The following TMCO5A variants were observed in gnomAD, a reference collection of about 807,000 sequenced individuals.
TMCO5A encodes transmembrane and coiled-coil domain-containing protein 5A.
TMCO5A carries 34 observed loss-of-function variants against 42.3 expected under a neutral mutation model. That is an observed-to-expected ratio of 0.80 (90% CI 0.61 to 1.07). The LOEUF is 1.07. Ranked by LOEUF, TMCO5A falls within the 50% of genes least tolerant of loss-of-function variation. The probability of loss-of-function intolerance (pLI) is 0.00; values close to 1 mark genes in which losing one functional copy is unlikely to be tolerated. For synonymous variants in TMCO5A, 131 were observed against 115.6 expected (o/e 1.13, Z -0.86); for missense variants, 357 against 327.9 (o/e 1.09, Z -0.69).
At position 37,941,157 on chromosome 15, in the gene TMCO5A, A is replaced by G. The variant is rs774843921; in HGVS notation, c.396A>G (p.Leu132=). 1 of 1,613,156 alleles carries G rather than the reference A, an allele frequency of 6.2e-7. No homozygotes were observed. The highest frequency in any genetic ancestry group is 1.1e-5 in the South Asian group (1 of 91,038). ...DGALEETKVK[L]QQLEASYACQ... The stretch of plus-strand genomic sequence containing the variant: ...TCTTTTGCTTTCTTTAGGTTAAGTT[A>G]CAACAGCTGGAAGCTTCCTATGCAT... The change falls in exon 7 of 12, where the codon TTA becomes TTG. Residue 132 remains leucine (L), a synonymous_variant. Coordinates refer to ENST00000319669, the MANE Select transcript of TMCO5A (RefSeq NM_152453.4).
the TMCO5A span, among the ~76,000 whole-genome samples, chr15:37,984,430 T>A: frequency 6.6e-6 from 1 of 152,158 alleles, no homozygotes; most frequent in African/African-American, 2.4e-5. Flanking sequence ...ATATTCAATG[T>A]TAGAATATTT....
intron 9 of TMCO5A, chr15:37,942,546 A>G: frequency 3.7e-6 from 1 of 270,012 alleles, no homozygotes; most frequent in Non-Finnish European, 7.0e-6. Flanking sequence ...CATGTACTTT[A>G]GAAAGAGTTG....
the TMCO5A span, chr15:38,024,885 T>C: frequency 6.6e-6 from 1 of 152,326 alleles, no homozygotes; most frequent in Non-Finnish European, 1.5e-5. Context: ...ACAGCTTTTC[T>C]TCATGAGGCC....
chr15:37,997,538 A>G, the TMCO5A span, among the ~76,000 whole-genome samples: 2 of 152,028 alleles, frequency 1.3e-5, no homozygotes, highest in African/African-American at 4.8e-5. Context: ...AAATGACAGG[A>G]TCTTGTTCTT....
chr15:37,979,267 C>G, the TMCO5A span, among the ~76,000 whole-genome samples: 3 of 151,946 alleles, frequency 2.0e-5, no homozygotes, highest in Admixed American at 6.6e-5. Flanking sequence ...AGTCCTTAGT[C>G]TTTTTGCTCC....
At chr15:37,984,681 C>CTT in the TMCO5A span, 120 of 41,876 alleles carry the variant, frequency 2.9e-3, 10 homozygotes, top group African/African-American at 5.0e-3. Context: ...GAACATTTGT[C>CTT]TTTTTTTTTT....
the TMCO5A span, among the ~76,000 whole-genome samples, chr15:38,030,019 A>T: frequency 6.6e-6 from 1 of 152,162 alleles, no homozygotes; most frequent in Non-Finnish European, 1.5e-5. Flanking sequence ...GTGGCTTATC[A>T]CGGGTAGAAA....
intron 11 of TMCO5A, 117 bp from the exon 12 acceptor site, chr15:37,950,919 G>A (rs1363598805): frequency 3.6e-6 from 3 of 826,034 alleles, no homozygotes; most frequent in Admixed American, 2.5e-5. Flanking sequence ...TCAGGAAAGG[G>A]GGTGATAATC....
In TMCO5A at chr15:37,938,185, A is replaced by G; in HGVS notation, c.343A>G (p.Asn115Asp). Reference protein sequence around the residue: ...KLTRKSQKITNCEQSSPDGAL... With the variant: ...KLTRKSQKITDCEQSSPDGAL... The stretch of plus-strand genomic sequence containing the variant: ...TACAAGGAAATCACAAAAGATAACC[A>G]ATTGTGAACAAAGCAGTCCAGATGG... The change falls in exon 6 of 12, where the codon AAT becomes GAT. Residue 115 changes from asparagine to aspartate, a missense_variant. Asn to Asp is a conservative substitution (Grantham distance 23). Transcript: ENST00000319669. The G allele has an allele frequency of 6.3e-7, 1 of 1,582,318 alleles. No individual in the cohort carries two copies. Among genetic ancestry groups the G allele is most frequent in the Non-Finnish European group, 8.6e-7 (1 of 1,162,830 alleles).
At chr15:38,012,377 G>C in the TMCO5A span, among the ~76,000 whole-genome samples, 42 of 152,060 alleles carry the variant, frequency 2.8e-4, no homozygotes, top group Non-Finnish European at 4.4e-4. Context: ...AAATATTATC[G>C]ATTTTTTGAG....
At chr15:37,945,852 C>T (rs1353580577) in intron 10 of TMCO5A, among the ~76,000 whole-genome samples, 1 of 151,918 alleles carries the variant, frequency 6.6e-6, no homozygotes, top group Non-Finnish European at 1.5e-5. Flanking sequence ...TTTATTTTCC[C>T]GTGCAGAAGC....
chr15:38,010,200 C>T, the TMCO5A span, among the ~76,000 whole-genome samples: 385 of 139,684 alleles, frequency 2.8e-3, 2 homozygotes, highest in African/African-American at 9.2e-3. Flanking sequence ...AGTGAAACCC[C>T]GTCTCTACTA....
chr15:38,000,299 T>C, the TMCO5A span, among the ~76,000 whole-genome samples: 1 of 152,196 alleles, frequency 6.6e-6, no homozygotes, highest in African/African-American at 2.4e-5. Flanking sequence ...TCCCAATTTA[T>C]TGGCATAAAG....
the TMCO5A span, among the ~76,000 whole-genome samples, chr15:38,024,205 G>C: frequency 6.6e-6 from 1 of 152,168 alleles, no homozygotes; most frequent in Admixed American, 6.5e-5. Flanking sequence ...TGCTGCCACT[G>C]AGCTTCTCCA....
chr15:37,979,515 T>C, the TMCO5A span, among the ~76,000 whole-genome samples: 2 of 152,116 alleles, frequency 1.3e-5, no homozygotes, highest in African/African-American at 4.8e-5. Context: ...CATAAAAAAC[T>C]ACTTTCACAC....
chr15:37,942,852 C>T (rs1395941510), intron 9 of TMCO5A: 2 of 153,532 alleles, frequency 1.3e-5, no homozygotes, highest in Non-Finnish European at 2.9e-5. Context: ...CATTTCTTGA[C>T]CCCCTCTGTA....
the TMCO5A span, among the ~76,000 whole-genome samples, chr15:38,015,629 A>G: frequency 6.6e-6 from 1 of 152,228 alleles, no homozygotes; most frequent in Non-Finnish European, 1.5e-5. Context: ...ATTATTCTTA[A>G]CAGTCAAAGC....
At chr15:37,991,828 G>A in the TMCO5A span, among the ~76,000 whole-genome samples, 8 of 152,142 alleles carry the variant, frequency 5.3e-5, no homozygotes, top group Non-Finnish European at 8.8e-5. Flanking sequence ...AACTGAACCC[G>A]TTGCTTACAC....
chr15:38,013,405 G>A, the TMCO5A span, among the ~76,000 whole-genome samples: 31 of 152,210 alleles, frequency 2.0e-4, no homozygotes, highest in Admixed American at 1.4e-3. Context: ...TTGACATGGT[G>A]CCAAGAGGTA....
Sources: allele counts gnomAD v4.1 joint callset (sites outside exome capture counted in the v4.1 genomes callset), GRCh38; gene constraint gnomAD v4.1.1; transcripts MANE v1.5; gene names NCBI Gene and HGNC (gene_info 2026-07-23, HGNC 2026-07-21).